TFEC: variants seen among roughly 807,000 people sequenced by gnomAD.
TFEC encodes class E basic helix-loop-helix protein 34.
A neutral mutation model predicts 41.6 loss-of-function variants in TFEC; 31 were observed. That is an observed-to-expected ratio of 0.74 (90% CI 0.56 to 1.01). The LOEUF is 1.01. TFEC is among the 50% of genes least tolerant of loss of function. The pLI, the probability that TFEC is intolerant of heterozygous loss-of-function variation, is 0.00. For synonymous variants in TFEC, 143 were observed against 140.6 expected, an observed-to-expected ratio of 1.02 and a Z score of -0.12; for missense variants, 402 against 404.1, an observed-to-expected ratio of 0.99 and a Z score of 0.04.
intron 3 of TFEC, among the ~76,000 whole-genome samples, chr7:115,961,507 A>G (rs894177602): frequency 6.6e-6 from 1 of 151,602 alleles, no homozygotes; most frequent in Non-Finnish European, 1.5e-5. Flanking sequence ...AAAAAAGGGG[A>G]AATAACCAAA....
chr7:115,983,289 T>C (rs1207115590), intron 2 of TFEC, among the ~76,000 whole-genome samples: 4 of 152,128 alleles, frequency 2.6e-5, no homozygotes, highest in Non-Finnish European at 5.9e-5. Flanking sequence ...TTATTAACAA[T>C]CTGCCACATC....
chr7:115,948,045 T>C (rs949958852), intron 6 of TFEC, among the ~76,000 whole-genome samples: 1 of 152,102 alleles, frequency 6.6e-6, no homozygotes, highest in Non-Finnish European at 1.5e-5. Flanking sequence ...AAATACAAAC[T>C]ACCATCAGAG....
exon 3 of TFEC, chr7:116,110,717 G>A (rs1797834605): frequency 6.6e-7 from 1 of 1,515,172 alleles, no homozygotes; most frequent in African/African-American, 1.4e-5. Context: ...CCCTGGTAAA[G>A]GATGGTAATT....
chr7:116,141,857 G>GA (rs1298495917), intron 1 of TFEC, among the ~76,000 whole-genome samples: 9 of 152,180 alleles, frequency 5.9e-5, no homozygotes, highest in Non-Finnish European at 5.9e-5. Flanking sequence ...CTAAGAAGCA[G>GA]AAAAAACACA....
intron 1 of TFEC, among the ~76,000 whole-genome samples, chr7:116,115,059 ACC>A (rs1797949926): frequency 6.6e-6 from 1 of 151,968 alleles, no homozygotes; most frequent in Admixed American, 6.6e-5. Flanking sequence ...TTGTTAATTA[ACC>A]TTCCCTTTTT....
chr7:115,935,337 T>G lies in TFEC; in HGVS notation c.*5214A>C, dbSNP rs758629771. 6.6e-6 allele frequency: 1 copy of G among 152,142 alleles called. No individual in the cohort carries two copies. Among genetic ancestry groups the G allele is most frequent in the Non-Finnish European group, 1.5e-5 (1 of 67,674 alleles). The allele number at this position is 152,142 out of a possible 1,614,324, so 9.4% of individuals were successfully genotyped here. On this transcript the variant is annotated 3_prime_UTR_variant, in exon 8 of 8. Transcript: ENST00000265440. ...ATAATTACAAATTCTACAGTCTTAT[T>G]AACAATGTTTTCTTGATCTAACCAA...
chr7:115,990,335 G>A (rs6415350), intron 1 of TFEC, among the ~76,000 whole-genome samples: 108,389 of 152,132 alleles, frequency 0.71, 38,774 homozygotes, highest in African/African-American at 0.79. Flanking sequence ...CACCAAAGGA[G>A]CGCGGCTCCT....
chr7:115,964,000 A>G (rs1792708967), intron 3 of TFEC, among the ~76,000 whole-genome samples: 1 of 151,670 alleles, frequency 6.6e-6, no homozygotes, highest in Non-Finnish European at 1.5e-5. Flanking sequence ...TATTTTCACT[A>G]CTTCTCTTCA....
At chr7:116,101,187 T>A (rs1797594911) in intron 3 of TFEC, among the ~76,000 whole-genome samples, 1 of 110,270 alleles carries the variant, frequency 9.1e-6, no homozygotes, top group Admixed American at 9.6e-5. Context: ...CCCACTTTCA[T>A]GCCCCCCCCC....
chr7:115,973,139 T>A (rs1793211420), intron 3 of TFEC, among the ~76,000 whole-genome samples: 1 of 152,002 alleles, frequency 6.6e-6, no homozygotes, highest in Admixed American at 6.6e-5. Context: ...AAACCTCATC[T>A]GATATTTAGC....
intron 1 of TFEC, among the ~76,000 whole-genome samples, chr7:116,007,514 C>T (rs112490166): frequency 0.017 from 2,517 of 152,242 alleles, 35 homozygotes; most frequent in Middle Eastern, 0.027. Flanking sequence ...TGCCCCCACA[C>T]GGAGATATGA....
At chr7:116,081,530 T>C (rs745662189) in intron 3 of TFEC, among the ~76,000 whole-genome samples, 1 of 152,050 alleles carries the variant, frequency 6.6e-6, no homozygotes, top group East Asian at 1.9e-4. Context: ...TCATGGTTTA[T>C]TGTGTAAAAA....
chr7:116,028,943 T>C (rs551781383), intron 1 of TFEC, among the ~76,000 whole-genome samples: 9 of 152,326 alleles, frequency 5.9e-5, no homozygotes, highest in African/African-American at 2.2e-4. Flanking sequence ...AAGTTAGTAG[T>C]ATTTCTGAAA....
intron 3 of TFEC, among the ~76,000 whole-genome samples, chr7:116,109,220 A>T (rs1242369589): frequency 2.0e-5 from 3 of 152,070 alleles, no homozygotes; most frequent in Non-Finnish European, 4.4e-5. Context: ...AAAATTGACA[A>T]ATGGGATCTA....
chr7:115,978,782 T>C (rs1467760590), intron 2 of TFEC, among the ~76,000 whole-genome samples: 1 of 152,156 alleles, frequency 6.6e-6, no homozygotes, highest in African/African-American at 2.4e-5. Context: ...CTAAACTAAT[T>C]CTTTCTTTGG....
intron 1 of TFEC, among the ~76,000 whole-genome samples, chr7:116,139,436 C>T (rs548663267): frequency 6.6e-6 from 1 of 152,282 alleles, no homozygotes; most frequent in South Asian, 2.1e-4. Context: ...AAACCTTCTC[C>T]GTTCAAGAGC....
intron 2 of TFEC, among the ~76,000 whole-genome samples, chr7:115,979,164 T>C (rs777099782): frequency 9.2e-5 from 14 of 152,148 alleles, no homozygotes; most frequent in Non-Finnish European, 1.8e-4. Flanking sequence ...TCTCCCTCTA[T>C]ATAGCTGACA....
At chr7:116,050,996 AG>A (rs1796296608) in intron 3 of TFEC, among the ~76,000 whole-genome samples, 1 of 152,226 alleles carries the variant, frequency 6.6e-6, no homozygotes, top group Admixed American at 6.5e-5. Flanking sequence ...TGTCCTTTGT[AG>A]GGACACGGAT....
At chr7:115,948,280 C>A (rs1439667077) in intron 6 of TFEC, among the ~76,000 whole-genome samples, 6 of 151,706 alleles carry the variant, frequency 4.0e-5, no homozygotes, top group Non-Finnish European at 8.8e-5. Flanking sequence ...CAAGGAGGAA[C>A]TGGTACCATT....
Sources: allele counts gnomAD v4.1 joint callset (sites outside exome capture counted in the v4.1 genomes callset), GRCh38; gene constraint gnomAD v4.1.1; transcripts MANE v1.5; gene names NCBI Gene and HGNC (gene_info 2026-07-23, HGNC 2026-07-21).